Variants in LYN observed in about 807,000 individuals in gnomAD.
LYN encodes tyrosine-protein kinase Lyn.
In LYN, 12 loss-of-function variants were observed where a neutral mutation model predicts 65.0. The ratio of observed to expected loss-of-function variants is 0.18; its 90% CI spans 0.12 to 0.30. LYN has a LOEUF of 0.30. LYN is among the 10% of genes least tolerant of loss of function. LYN has a pLI of 1.00. For missense variants in LYN, 380 were observed against 623.2 expected (o/e 0.61, Z 4.16); for synonymous variants, 222 against 221.2 (o/e 1.00, Z -0.03).
At chr8:55,967,306 ATT>A (rs35631616) in intron 9 of LYN, among the ~76,000 whole-genome samples, 8 of 95,144 alleles carry the variant, frequency 8.4e-5, no homozygotes, top group African/African-American at 1.7e-4. Context: ...TTCCTCTTTC[ATT>A]TTTTTTTTTT....
chr8:55,995,104 C>T (rs1808341265), intron 10 of LYN, among the ~76,000 whole-genome samples: 1 of 152,128 alleles, frequency 6.6e-6, no homozygotes, highest in South Asian at 2.1e-4. Context: ...ACCAAAATTG[C>T]CACCCCGTGT....
intron 12 of LYN, among the ~76,000 whole-genome samples, chr8:56,002,291 C>T (rs7816026): frequency 0.24 from 36,799 of 151,824 alleles, 4,765 homozygotes; most frequent in Middle Eastern, 0.32. Context: ...TGGTGGCAGG[C>T]GCCTGTAGTC....
In LYN at chr8:55,998,415, C is replaced by T; in HGVS notation, c.1120C>T (p.Leu374=). The change falls in exon 11 of 13, where the codon CTG becomes TTG. Residue 374 remains leucine (L), a synonymous_variant. Coordinates refer to ENST00000519728, the MANE Select transcript of LYN (RefSeq NM_002350.4). ...CCGGGACCTGCGAGCAGCTAATGTTCTGGTCTCCGAGTCACTCATGTGCAA... is the reference window on the plus strand; with the variant it reads ...CCGGGACCTGCGAGCAGCTAATGTTTTGGTCTCCGAGTCACTCATGTGCAA... ...IHRDLRAANV[L]VSESLMCKIA... 2 of 1,614,102 alleles carry T rather than the reference C, an allele frequency of 1.2e-6. No homozygotes were observed. The highest frequency in any genetic ancestry group is 1.7e-6 in the Non-Finnish European group (2 of 1,179,950).
chr8:55,993,350 A>G (rs1808298027), intron 10 of LYN, among the ~76,000 whole-genome samples: 1 of 152,162 alleles, frequency 6.6e-6, no homozygotes, highest in Admixed American at 6.5e-5. Flanking sequence ...CTTAACAACA[A>G]TGAGAGGAAA....
intron 1 of LYN, among the ~76,000 whole-genome samples, chr8:55,929,267 T>G (rs924687607): frequency 2.0e-5 from 3 of 152,236 alleles, no homozygotes; most frequent in Non-Finnish European, 4.4e-5. Flanking sequence ...TTCTTACTGT[T>G]TCTTCCATCT....
intron 7 of LYN, among the ~76,000 whole-genome samples, chr8:55,952,431 G>A (rs964785290): frequency 3.9e-5 from 6 of 152,010 alleles, no homozygotes; most frequent in Non-Finnish European, 7.4e-5. Context: ...ATAGTGGTGC[G>A]TGCCTGTAGT....
Position 55,950,552 on chromosome 8 carries a change from A to G in LYN, c.378A>G (p.Thr126=), listed in dbSNP as rs766166625. 5.6e-6 allele frequency: 9 copies of G among 1,612,742 alleles called. No homozygotes were observed. The highest frequency in any genetic ancestry group is 6.8e-6 in the Non-Finnish European group (8 of 1,179,194). ...NYVAKLNTLE[T]EEWFFKDITR... Reference sequence around the variant, plus strand: ...TGGCCAAACTCAACACCTTAGAAACAGAAGAGTGAGTCCTCATGTGTTGTC... The same window carrying G: ...TGGCCAAACTCAACACCTTAGAAACGGAAGAGTGAGTCCTCATGTGTTGTC... Residue 126 remains threonine, a synonymous_variant, in exon 5 of 13, where the codon ACA becomes ACG. Coordinates refer to ENST00000519728, the MANE Select transcript of LYN (RefSeq NM_002350.4).
intron 1 of LYN, among the ~76,000 whole-genome samples, chr8:55,905,019 ATT>A (rs1805380166): frequency 6.6e-6 from 1 of 152,102 alleles, no homozygotes; most frequent in Non-Finnish European, 1.5e-5. Flanking sequence ...AAGCATCAGT[ATT>A]TTTTAGAGTT....
intron 1 of LYN, among the ~76,000 whole-genome samples, chr8:55,904,844 A>G (rs182974366): frequency 1.4e-4 from 21 of 152,326 alleles, no homozygotes; most frequent in African/African-American, 5.1e-4. Flanking sequence ...TCCCTACATT[A>G]TTAGACTGCG....
intron 10 of LYN, among the ~76,000 whole-genome samples, chr8:55,977,075 C>T (rs1807776206): frequency 6.6e-6 from 1 of 152,088 alleles, no homozygotes; most frequent in African/African-American, 2.4e-5. Context: ...ATCCCAGCTA[C>T]TCAGGAGGCT....
chr8:56,004,294 CT>C (rs377562431), intron 12 of LYN, among the ~76,000 whole-genome samples: 232 of 125,234 alleles, frequency 1.9e-3, no homozygotes, highest in East Asian at 0.015. Context: ...GAAAGACTTC[CT>C]TTTTTTTTTT....
intron 2 of LYN, among the ~76,000 whole-genome samples, chr8:55,945,973 T>C (rs565879924): frequency 6.6e-6 from 1 of 152,334 alleles, no homozygotes; most frequent in South Asian, 2.1e-4. Context: ...TTGCTTTCTA[T>C]GTGAAGACTC....
intron 10 of LYN, among the ~76,000 whole-genome samples, chr8:55,989,168 G>A (rs1808169511): frequency 6.6e-6 from 1 of 152,246 alleles, no homozygotes; most frequent in South Asian, 2.1e-4. Flanking sequence ...GAGCTTGCTG[G>A]AAGCCGGTTT....
chr8:56,009,962 G>T lies in LYN; in HGVS notation c.1391G>T (p.Arg464Leu). 1 of 1,614,026 alleles carries T rather than the reference G, an allele frequency of 6.2e-7. No homozygotes were observed. Among genetic ancestry groups the T allele is most frequent in the East Asian group, 2.2e-5 (1 of 44,884 alleles). Residue 464 changes from arginine (R) to leucine (L), a missense_variant, in exon 13 of 13, where the codon CGT becomes CTT. Physicochemically the swap from Arg to Leu is moderately radical, Grantham distance 102. Transcript: ENST00000519728. ...TALSQGYRMP[R>L]VENCPDELYD... is the part of the protein sequence containing the mutation. ...CTGTCCCAGGGCTACAGGATGCCCCGTGTGGAGAACTGCCCAGATGAGCTC... is the reference window on the plus strand; with the variant it reads ...CTGTCCCAGGGCTACAGGATGCCCCTTGTGGAGAACTGCCCAGATGAGCTC...
At chr8:55,964,727 G>A (rs1469553621) in intron 8 of LYN, among the ~76,000 whole-genome samples, 2 of 152,094 alleles carry the variant, frequency 1.3e-5, no homozygotes, top group Non-Finnish European at 2.9e-5. Context: ...GAGAAGAGAA[G>A]AGAAAAGAAA....
chr8:55,942,333 A>ATATATATGTGTATATATATGTG (rs1554579315), intron 2 of LYN, among the ~76,000 whole-genome samples: 2 of 128,064 alleles, frequency 1.6e-5, no homozygotes, highest in Admixed American at 7.9e-5. Flanking sequence ...ATATATGTGT[A>ATATATATGTGTATATATATGTG]TATATATATG....
chr8:55,914,088 G>A (rs575375236), intron 1 of LYN, among the ~76,000 whole-genome samples: 2 of 152,146 alleles, frequency 1.3e-5, no homozygotes, highest in African/African-American at 2.4e-5. Context: ...GAGAGGTGGA[G>A]GGTTGTTGTT....
rs34461698 is a variant in LYN at position 55,990,239 on chromosome 8, C to CAAA, written c.1051-8085_1051-8083dup. On this transcript the variant is annotated intron_variant, in intron 10 of 12. Transcript: ENST00000519728. ...GGGTGATAGAGTGAGACTCTGCCTC[C>CAAA]AAAAAAAAAAAAAAAAAAAAAAAAG... Among the ~76,000 whole-genome samples, 154 of 45,300 alleles carry CAAA rather than the reference C, an allele frequency of 3.4e-3. 2 individuals carry two copies. The highest frequency in any genetic ancestry group is 0.01 in the African/African-American group (110 of 10,814). The allele number at this position is 45,300 out of a possible 152,430, so 29.7% of individuals were successfully genotyped here. A position where few individuals can be genotyped will look rare whatever the true frequency, so the allele number is the denominator to read the frequency against.
intron 1 of LYN, among the ~76,000 whole-genome samples, chr8:55,926,882 G>A (rs1806123494): frequency 6.6e-6 from 1 of 152,138 alleles, no homozygotes; most frequent in Admixed American, 6.5e-5. Flanking sequence ...GTTTTTTACT[G>A]CTCCTTGTGG....
Sources: gnomAD v4.1 joint callset for allele counts (sites outside exome capture counted in the v4.1 genomes callset) on GRCh38, gnomAD v4.1.1 for gene constraint, MANE v1.5 for transcripts, NCBI Gene and HGNC (gene_info 2026-07-23, HGNC 2026-07-21) for gene names.